PTPRF: variants seen among roughly 807,000 people sequenced by gnomAD.
PTPRF encodes protein tyrosine phosphatase receptor type F.
PTPRF carries 59 observed loss-of-function variants against 201.8 expected under a neutral mutation model. The ratio of observed to expected loss-of-function variants is 0.29; its 90% CI spans 0.24 to 0.36. The LOEUF (loss-of-function observed/expected upper bound fraction) is 0.36. Ranked by LOEUF, PTPRF falls within the 10% of genes least tolerant of loss-of-function variation. The pLI is 1.00. For missense variants in PTPRF, 2,132 were observed against 2,690.5 expected, an observed-to-expected ratio of 0.79 and a Z score of 4.59; for synonymous variants, 1,088 against 1,089.7, an observed-to-expected ratio of 1.00 and a Z score of 0.03.
At position 43,617,908 on chromosome 1, in the gene PTPRF, C is replaced by G; in HGVS notation, c.4368C>G (p.Ser1456=). The change falls in exon 25 of 34, where the codon TCC becomes TCG. Residue 1456 remains serine (S), a synonymous_variant. Transcript: ENST00000359947. ...TGATGACACGGCTGGAGGAGAAGTC[C>G]CGGGTGAGGCTGCAGGGCCCTGCCA... ...VVMMTRLEEK[S]RVKCDQYWPA... is the part of the protein sequence containing the mutation. 1 of 1,605,782 alleles carries G rather than the reference C, an allele frequency of 6.2e-7. No homozygotes were observed. The highest frequency in any genetic ancestry group is 8.5e-7 in the Non-Finnish European group (1 of 1,173,678).
At chr1:43,612,020 A>G (rs1656569389) in intron 22 of PTPRF, among the ~76,000 whole-genome samples, 1 of 152,162 alleles carries the variant, frequency 6.6e-6, no homozygotes, top group African/African-American at 2.4e-5. Flanking sequence ...AGGGCAGGGA[A>G]GGTGGTGCAG....
chr1:43,585,488 C>A (rs998726490), intron 7 of PTPRF, among the ~76,000 whole-genome samples: 1 of 152,160 alleles, frequency 6.6e-6, no homozygotes. Context: ...AGCCTCTGGA[C>A]CTGAGGCCCT....
intron 14 of PTPRF, among the ~76,000 whole-genome samples, chr1:43,602,532 C>A (rs1196104196): frequency 1.3e-5 from 2 of 152,124 alleles, no homozygotes; most frequent in Non-Finnish European, 2.9e-5. Flanking sequence ...CAGGAGGGGT[C>A]CATGAGGGGG....
At chr1:43,548,122 G>T (rs1212968688) in intron 3 of PTPRF, among the ~76,000 whole-genome samples, 1 of 149,648 alleles carries the variant, frequency 6.7e-6, no homozygotes, top group Non-Finnish European at 1.5e-5. Context: ...TTGCTAATGG[G>T]GGGGTATTGC....
At chr1:43,594,166 T>C (rs118049588) in intron 11 of PTPRF, among the ~76,000 whole-genome samples, 1 of 152,050 alleles carries the variant, frequency 6.6e-6, no homozygotes, top group East Asian at 1.9e-4. Context: ...AATGAATCCA[T>C]GAATACAAGG....
chr1:43,528,172 C>T (rs1180110725), upstream of PTPRF, among the ~76,000 whole-genome samples: 1 of 152,150 alleles, frequency 6.6e-6, no homozygotes, highest in Non-Finnish European at 1.5e-5. Flanking sequence ...CCAAAACACA[C>T]TAAAGGTAGA....
intron 21 of PTPRF, among the ~76,000 whole-genome samples, chr1:43,607,907 G>T (rs1463365902): frequency 6.6e-6 from 1 of 152,256 alleles, no homozygotes; most frequent in Non-Finnish European, 1.5e-5. Flanking sequence ...AGCTGGGCCT[G>T]TGTGCCAAGC....
chr1:43,533,201 CCTT>C (rs1453671625), intron 1 of PTPRF, among the ~76,000 whole-genome samples: 1 of 152,152 alleles, frequency 6.6e-6, no homozygotes, highest in African/African-American at 2.4e-5. Flanking sequence ...TCCCTTTCTT[CCTT>C]CTTCTTGCAA....
intron 7 of PTPRF, among the ~76,000 whole-genome samples, chr1:43,581,287 G>T (rs1647547534): frequency 1.3e-5 from 2 of 152,198 alleles, no homozygotes; most frequent in Middle Eastern, 3.2e-3. Flanking sequence ...AAATACGGGG[G>T]TTCCTTTAGT....
intron 1 of PTPRF, among the ~76,000 whole-genome samples, 176 bp from the exon 2 acceptor site, chr1:43,538,022 G>T (rs1644131255): frequency 6.6e-6 from 1 of 152,152 alleles, no homozygotes; most frequent in South Asian, 2.1e-4. Flanking sequence ...GAATGAGCGA[G>T]GGAGTGAAGG....
chr1:43,605,134 G>T (rs1654762186), intron 17 of PTPRF, 56 bp from the exon 18 acceptor site: 2 of 1,575,354 alleles, frequency 1.3e-6, no homozygotes, highest in Non-Finnish European at 1.7e-6. Flanking sequence ...GTGCCTTGCA[G>T]CCCGTGGTAG....
chr1:43,613,538 C>T, intron 22 of PTPRF, 80 bp from the exon 23 acceptor site: 1 of 1,152,046 alleles, frequency 8.7e-7, no homozygotes. Context: ...CACATGTGCA[C>T]ATACATGCGT....
At chr1:43,589,809 G>A (rs1000952609) in intron 8 of PTPRF, among the ~76,000 whole-genome samples, 2 of 150,758 alleles carry the variant, frequency 1.3e-5, no homozygotes, top group African/African-American at 4.9e-5. Context: ...CTACAGTGAC[G>A]CAGTGAGCCA....
In PTPRF at chr1:43,603,783, C is replaced by T. The variant is rs139815410; in HGVS notation, c.2631C>T (p.Phe877=). Reference sequence around the variant, plus strand: ...ATTTCGGCAAGGATGACCAGCACTTCACAGTCACCGGCCTGCACAAGGGGA... The same window carrying T: ...ATTTCGGCAAGGATGACCAGCACTTTACAGTCACCGGCCTGCACAAGGGGA... ...TIDFGKDDQH[F]TVTGLHKGTT... is the part of the protein sequence containing the mutation. Residue 877 remains phenylalanine, a synonymous_variant, in exon 16 of 34, where the codon TTC becomes TTT. Coordinates refer to ENST00000359947, the MANE Select transcript of PTPRF (RefSeq NM_002840.5). This position sits in a 1 kb window ranked among gnomAD's most constrained non-coding sequence, Gnocchi z 5.8. The T allele has an allele frequency of 5.0e-6, 8 of 1,614,022 alleles. No homozygotes were observed. The highest frequency in any genetic ancestry group is 6.8e-6 in the Non-Finnish European group (8 of 1,180,044).
chr1:43,590,878 A>G (rs921144652), intron 8 of PTPRF, 94 bp from the exon 9 acceptor site: 3 of 1,179,086 alleles, frequency 2.5e-6, no homozygotes, highest in Non-Finnish European at 3.6e-6. Context: ...CACTCAGGTG[A>G]CCCCACCAGA....
At chr1:43,615,801 C>G (rs751284616) in intron 23 of PTPRF, among the ~76,000 whole-genome samples, 1 of 151,972 alleles carries the variant, frequency 6.6e-6, no homozygotes, top group Non-Finnish European at 1.5e-5. Context: ...CTCCTGACCT[C>G]GTGATCCGCC....
upstream of PTPRF, among the ~76,000 whole-genome samples, chr1:43,529,437 T>A (rs1309037164): frequency 6.6e-6 from 1 of 152,218 alleles, no homozygotes; most frequent in Non-Finnish European, 1.5e-5. Context: ...TACCACGTGA[T>A]CCCTGAATCC....
chr1:43,569,164 A>T (rs1646392285), intron 5 of PTPRF, among the ~76,000 whole-genome samples: 1 of 152,088 alleles, frequency 6.6e-6, no homozygotes, highest in Non-Finnish European at 1.5e-5. Flanking sequence ...GCTGGACAGC[A>T]CAGAGGCCTT....
intron 11 of PTPRF, among the ~76,000 whole-genome samples, chr1:43,593,933 C>G (rs983641442): frequency 6.6e-6 from 1 of 151,966 alleles, no homozygotes; most frequent in Non-Finnish European, 1.5e-5. Flanking sequence ...TTGCAGTGAG[C>G]CGAGATGGTG....
Sources: gnomAD v4.1 joint callset for allele counts (sites outside exome capture counted in the v4.1 genomes callset) on GRCh38, gnomAD v4.1.1 for gene constraint, Gnocchi (gnomAD v3.1) non-coding constraint, MANE v1.5 for transcripts, NCBI Gene and HGNC (gene_info 2026-07-23, HGNC 2026-07-21) for gene names.